MTG1: variants seen among roughly 807,000 people sequenced by gnomAD.
MTG1 encodes mitochondrial ribosome-associated GTPase 1.
Under a neutral mutation model 39.5 loss-of-function variants are expected in MTG1, and 30 were observed. The ratio of observed to expected loss-of-function variants is 0.76; its 90% CI spans 0.57 to 1.03. MTG1 has a LOEUF of 1.03. Ranked by LOEUF, MTG1 falls within the 50% of genes least tolerant of loss-of-function variation. The probability of loss-of-function intolerance (pLI) is 0.00; values close to 1 mark genes in which losing one functional copy is unlikely to be tolerated. For missense variants in MTG1, 513 were observed against 447.4 expected (o/e 1.15, Z -1.32); for synonymous variants, 217 against 179.0 (o/e 1.21, Z -1.69).
chr10:133,396,356 C>A (rs1589907735), intron 3 of MTG1, 89 bp downstream of exon 3: 3 of 1,152,394 alleles, frequency 2.6e-6, no homozygotes, highest in Non-Finnish European at 3.9e-6. Flanking sequence ...CGGACGCACA[C>A]TTGTCAGTTT....
chr10:133,399,725 C>T, intron 6 of MTG1, 106 bp downstream of exon 6: 1 of 1,160,504 alleles, frequency 8.6e-7, no homozygotes, highest in Non-Finnish European at 1.3e-6. Context: ...GGAGCACTGC[C>T]AGTCTTCTGC....
In MTG1 at chr10:133,402,024, T is replaced by C; in HGVS notation, c.574-125T>C. On this transcript the variant is annotated intron_variant, in intron 7 of 10. Transcript: ENST00000317502. The surrounding 1 kb of genome is among the most constrained non-coding windows in gnomAD (Gnocchi z 4.7). ...GAGCTTGGTGAGAGTGACGCTGCCA[T>C]GGGGTTGGGTCCCTGAGGCCTTCCT... The C allele has an allele frequency of 2.0e-6, 2 of 1,023,150 alleles. No individual in the cohort carries two copies. Among genetic ancestry groups the C allele is most frequent in the South Asian group, 1.4e-5 (1 of 74,066 alleles). 63.4% of individuals were successfully genotyped at this position (1,023,150 alleles called of 1,614,324 possible).
chr10:133,396,986 C>T (rs1849792768), intron 3 of MTG1, among the ~76,000 whole-genome samples: 1 of 152,102 alleles, frequency 6.6e-6, no homozygotes, highest in Non-Finnish European at 1.5e-5. Context: ...TCCCTTTCCC[C>T]AGGGGAGTTT....
At chr10:133,406,843 T>C (rs543865427) in intron 9 of MTG1, among the ~76,000 whole-genome samples, 3 of 152,200 alleles carry the variant, frequency 2.0e-5, no homozygotes, top group Admixed American at 6.5e-5. Flanking sequence ...TTTTGTATTT[T>C]TAGTAGAGAT....
rs754504667 is a variant in MTG1, at chr10:133,402,747, C to T, written c.726C>T (p.Tyr242=). Residue 242 remains tyrosine (Y), a synonymous_variant, in exon 9 of 11, where the codon TAC becomes TAT. Transcript: ENST00000317502. The surrounding 1 kb of genome is among the most constrained non-coding windows in gnomAD (Gnocchi z 4.7). Reference sequence around the variant, plus strand: ...AGACCATGGCTGACTACCTGCTGTACACCCTCAACAAACACCAGCGCTTTG... The same window carrying T: ...AGACCATGGCTGACTACCTGCTGTATACCCTCAACAAACACCAGCGCTTTG... The part of the protein sequence containing the change: ...GEETMADYLL[Y]TLNKHQRFGY... The T allele has an allele frequency of 1.2e-6, 2 of 1,607,626 alleles. No individual in the cohort carries two copies. Among genetic ancestry groups the T allele is most frequent in the Non-Finnish European group, 1.7e-6 (2 of 1,177,380 alleles).
Position 133,402,623 on chromosome 10 carries a change from T to G in MTG1, c.671-69T>G, listed in dbSNP as rs1022677534. 38 of 1,372,490 alleles carry G rather than the reference T, an allele frequency of 2.8e-5. No homozygotes were observed. In the African/African-American group the frequency reaches 4.9e-4, roughly 18 times the overall value. 85.0% of individuals were successfully genotyped at this position (1,372,490 alleles called of 1,614,324 possible). On this transcript the variant is annotated intron_variant, in intron 8 of 10. Coordinates refer to ENST00000317502, the MANE Select transcript of MTG1 (RefSeq NM_138384.4). The surrounding 1 kb of genome is among the most constrained non-coding windows in gnomAD (Gnocchi z 4.7). ...GTCTTTGGGCTAGGACTGGAAGGGATGTGTTTGAACTTGGCAGGAACATAG... is the reference window on the plus strand; with the variant it reads ...GTCTTTGGGCTAGGACTGGAAGGGAGGTGTTTGAACTTGGCAGGAACATAG...
chr10:133,409,317 T>G (rs1280878745), intron 9 of MTG1, among the ~76,000 whole-genome samples: 2 of 152,254 alleles, frequency 1.3e-5, no homozygotes, highest in Non-Finnish European at 2.9e-5. Context: ...CAGGAGCGTG[T>G]TGTTTAATTT....
In MTG1 at chr10:133,402,493, GT is replaced by G; in HGVS notation, c.671-197del. 1 of 689,022 alleles carries G rather than the reference GT, an allele frequency of 1.5e-6. No individual in the cohort carries two copies. The highest frequency in any genetic ancestry group is 2.7e-5 in the East Asian group (1 of 36,836). The allele number at this position is 689,022 out of a possible 1,614,324, so 42.7% of individuals were successfully genotyped here. On this transcript the variant is annotated intron_variant, in intron 8 of 10. Transcript: ENST00000317502. The surrounding 1 kb of genome is among the most constrained non-coding windows in gnomAD (Gnocchi z 4.7). Reference sequence around the variant, plus strand: ...CCATTTGACGGACCAGGGCAGAGAGGTTGGTCGCAGGTGCCAGGCAGGAGTG... The same window carrying G: ...CCATTTGACGGACCAGGGCAGAGAGGTGGTCGCAGGTGCCAGGCAGGAGTG...
chr10:133,396,306 T>G (rs1477930855), intron 3 of MTG1, 39 bp downstream of exon 3: 1 of 1,548,788 alleles, frequency 6.5e-7, no homozygotes. Context: ...GCAGTGTGGC[T>G]GTGTTTTCCC....
chr10:133,413,992 A>G (rs1474520218), intron 9 of MTG1, among the ~76,000 whole-genome samples: 1 of 146,430 alleles, frequency 6.8e-6, no homozygotes, highest in East Asian at 2.0e-4. Context: ...ACAGGACAAT[A>G]GTGGAGGGAA....
intron 9 of MTG1, among the ~76,000 whole-genome samples, chr10:133,413,782 T>A (rs574371274): frequency 8.5e-5 from 13 of 152,304 alleles, no homozygotes; most frequent in African/African-American, 2.9e-4. Flanking sequence ...CTTTACATAT[T>A]TTATAACCTC....
At chr10:133,394,734 GA>G in intron 1 of MTG1, 4 of 1,018,620 alleles carry the variant, frequency 3.9e-6, no homozygotes, top group Non-Finnish European at 4.7e-6. Context: ...CAGTGGGTAT[GA>G]AGGCACCTGT....
intron 2 of MTG1, 37 bp from the exon 3 acceptor site, chr10:133,396,126 T>C (rs1474584889): frequency 1.2e-6 from 2 of 1,600,938 alleles, no homozygotes; most frequent in South Asian, 2.2e-5. Flanking sequence ...GGTTGGCTGG[T>C]AAAGCTTTGG....
In MTG1 at chr10:133,422,102, C is replaced by G. The variant is rs1850251820; in HGVS notation, c.*1937C>G. On this transcript the variant is annotated 3_prime_UTR_variant, in exon 11 of 11. Coordinates refer to ENST00000317502, the MANE Select transcript of MTG1 (RefSeq NM_138384.4). ...CTTGTCGTGACTGTCCAGCGCCACT[C>G]CATGTCTCTCCTGTCCTTGGATGTT... 1 of 152,870 alleles carries G rather than the reference C, an allele frequency of 6.5e-6. No homozygotes were observed. Among genetic ancestry groups the G allele is most frequent in the Non-Finnish European group, 1.5e-5 (1 of 68,292 alleles). The allele number at this position is 152,870 out of a possible 1,614,324, so 9.5% of individuals were successfully genotyped here.
At chr10:133,395,655 A>G in intron 1 of MTG1, 58 bp from the exon 2 acceptor site, 2 of 1,552,156 alleles carry the variant, frequency 1.3e-6, no homozygotes, top group Non-Finnish European at 1.8e-6. Context: ...TTCAGCTTGA[A>G]TCGATCACTC....
At chr10:133,413,891 C>A (rs995376090) in intron 9 of MTG1, among the ~76,000 whole-genome samples, 1 of 151,532 alleles carries the variant, frequency 6.6e-6, no homozygotes, top group Non-Finnish European at 1.5e-5. Context: ...ACCATCCACA[C>A]CTTCTCATTT....
At position 133,394,775 on chromosome 10, in the gene MTG1, T is replaced by A. The variant is rs1057291844; in HGVS notation, c.112+443T>A. 23 of 978,474 alleles carry A rather than the reference T, an allele frequency of 2.4e-5. No homozygotes were observed. The African/African-American group carries it at 3.5e-4, about 15-fold the overall frequency. The allele number at this position is 978,474 out of a possible 1,614,324, so 60.6% of individuals were successfully genotyped here. ...TTTTAACTGGTATCTTGAGTCGTTC[T>A]CCTGCTTAACGTCTTTGGTAATTCT... On this transcript the variant is annotated intron_variant, in intron 1 of 10. Transcript: ENST00000317502.
In MTG1 at chr10:133,394,234, C is replaced by T. The variant is rs1283218633; in HGVS notation, c.14C>T (p.Pro5Leu). The T allele has an allele frequency of 1.3e-6, 2 of 1,516,524 alleles. No homozygotes were observed. Among genetic ancestry groups the T allele is most frequent in the African/African-American group, 1.4e-5 (1 of 69,406 alleles). 93.9% of individuals were successfully genotyped at this position (1,516,524 alleles called of 1,614,324 possible). A position where few individuals can be genotyped will look rare whatever the true frequency, so the allele number is the denominator to read the frequency against. The change falls in exon 1 of 11, where the codon CCG becomes CTG. Residue 5 changes from proline (P) to leucine (L), a missense_variant. By Grantham distance (98) the Pro-to-Leu change is moderately conservative. Coordinates refer to ENST00000317502, the MANE Select transcript of MTG1 (RefSeq NM_138384.4). ...GACGGTGCCGCCATGAGATTGACCC[C>T]GCGCGCGCTGTGCAGCGCCGCCCAG... MRLTPRALCSAAQAA... is the reference protein window; with the variant it reads MRLTLRALCSAAQAA...
intron 9 of MTG1, among the ~76,000 whole-genome samples, chr10:133,404,562 C>G (rs1849942327): frequency 6.6e-6 from 1 of 152,166 alleles, no homozygotes; most frequent in Admixed American, 6.5e-5. Context: ...AATTTTCATG[C>G]AGTCCAGTTT....
Sources: allele counts gnomAD v4.1 joint callset (sites outside exome capture counted in the v4.1 genomes callset), GRCh38; gene constraint gnomAD v4.1.1; non-coding constraint Gnocchi (gnomAD v3.1); transcripts MANE v1.5; gene names NCBI Gene and HGNC (gene_info 2026-07-23, HGNC 2026-07-21).